The following HTR2A variants were observed in gnomAD, a reference collection of about 807,000 sequenced individuals.
HTR2A encodes the protein 5-hydroxytryptamine receptor 2A.
A neutral mutation model predicts 31.0 loss-of-function variants in HTR2A; 14 were observed. That is an observed-to-expected ratio of 0.45 (90% CI 0.30 to 0.71). The LOEUF (loss-of-function observed/expected upper bound fraction) is 0.71. Ranked by LOEUF, HTR2A falls within the 30% of genes least tolerant of loss-of-function variation. The pLI is 0.09. For synonymous variants in HTR2A, 209 were observed against 225.2 expected, an observed-to-expected ratio of 0.93 and a Z score of 0.64; for missense variants, 442 against 573.3, an observed-to-expected ratio of 0.77 and a Z score of 2.34.
chr13:46,868,468 C>G (rs1409474747), intron 3 of HTR2A, among the ~76,000 whole-genome samples: 1 of 152,224 alleles, frequency 6.6e-6, no homozygotes, highest in Non-Finnish European at 1.5e-5. Flanking sequence ...AACTCCAACT[C>G]AAGGAACTGT....
intron 3 of HTR2A, among the ~76,000 whole-genome samples, chr13:46,852,906 A>G (rs565681506): frequency 4.6e-5 from 7 of 152,164 alleles, no homozygotes; most frequent in Non-Finnish European, 1.0e-4. Context: ...AGTTATCTCA[A>G]TAATTTGAAC....
intron 3 of HTR2A, among the ~76,000 whole-genome samples, chr13:46,877,198 A>T (rs1258869202): frequency 6.6e-6 from 1 of 152,170 alleles, no homozygotes; most frequent in Non-Finnish European, 1.5e-5. Context: ...GAACAAAAAA[A>T]CTGCCCTGAG....
rs184250268 is a variant in HTR2A at position 46,888,355 on chromosome 13, G to A, written c.613+4035C>T. ...AATAGAGACAAAACATTCTGAAGCA[G>A]CAGGGCGTGGCACAAGGTGATGTTT... is the stretch of plus-strand genomic sequence containing the variant. On this transcript the variant is annotated intron_variant, in intron 3 of 3. Transcript: ENST00000542664. Among the ~76,000 whole-genome samples the A allele has an allele frequency of 3.1e-3, 468 of 152,180 alleles. 3 individuals carry two copies. The highest frequency in any genetic ancestry group is 0.011 in the African/African-American group (444 of 41,520).
chr13:46,884,822 G>A (rs1222379699), intron 3 of HTR2A, among the ~76,000 whole-genome samples: 2 of 115,954 alleles, frequency 1.7e-5, no homozygotes, highest in African/African-American at 1.1e-4. Context: ...GTGTGTGTAT[G>A]TATACATATA....
intron 3 of HTR2A, among the ~76,000 whole-genome samples, chr13:46,857,441 A>G (rs76161500): frequency 0.013 from 1,997 of 152,280 alleles, 54 homozygotes; most frequent in African/African-American, 0.045. Flanking sequence ...ACAGGATGGA[A>G]GGGCCAAGGC....
rs147076796 is a variant in HTR2A, at chr13:46,878,659, G to A, written c.613+13731C>T. ...AAAGGAGTCTGCAAAAGCCACAGAG[G>A]AAGAAGATCTAGGGAGTGGGAAGGA... On this transcript the variant is annotated intron_variant, in intron 3 of 3. Transcript: ENST00000542664. Among the ~76,000 whole-genome samples, 85 of 152,276 alleles carry A rather than the reference G, an allele frequency of 5.6e-4. 4 individuals are homozygous for A. In the East Asian group the frequency reaches 0.015, roughly 28 times the overall value.
chr13:46,876,950 C>T (rs890979573), intron 3 of HTR2A, among the ~76,000 whole-genome samples: 2 of 152,104 alleles, frequency 1.3e-5, no homozygotes, highest in Non-Finnish European at 1.5e-5. Flanking sequence ...GTTCCTATTA[C>T]ATTCATTTTA....
chr13:46,875,255 T>C (rs1296912172), intron 3 of HTR2A, among the ~76,000 whole-genome samples: 1 of 152,194 alleles, frequency 6.6e-6, no homozygotes, highest in East Asian at 1.9e-4. Context: ...TTAAAAACTT[T>C]CAAATGTGAA....
chr13:46,889,374 T>G (rs1027643667), intron 3 of HTR2A, among the ~76,000 whole-genome samples: 7 of 152,160 alleles, frequency 4.6e-5, no homozygotes, highest in Non-Finnish European at 7.4e-5. Context: ...CTTAAAATAC[T>G]ATTTAAAAAG....
At chr13:46,855,650 T>C (rs928510138) in intron 3 of HTR2A, among the ~76,000 whole-genome samples, 3 of 151,932 alleles carry the variant, frequency 2.0e-5, no homozygotes, top group African/African-American at 7.3e-5. Context: ...AGGCCTAAGG[T>C]GGGATGGCCA....
intron 3 of HTR2A, among the ~76,000 whole-genome samples, chr13:46,844,808 C>T (rs572632962): frequency 4.8e-4 from 73 of 152,298 alleles, no homozygotes; most frequent in Non-Finnish European, 9.1e-4. Context: ...TTCAAGCTTC[C>T]ATCTGTAAGG....
At chr13:46,840,868 A>G (rs1176343028) in intron 3 of HTR2A, among the ~76,000 whole-genome samples, 1 of 152,158 alleles carries the variant, frequency 6.6e-6, no homozygotes, top group Admixed American at 6.6e-5. Flanking sequence ...TAAGCACTAA[A>G]TTACACCAAT....
rs58145637 is a variant in HTR2A at position 46,834,767 on chromosome 13, A to ATT, written c.*68_*69dup. On this transcript the variant is annotated 3_prime_UTR_variant, in exon 4 of 4. Transcript: ENST00000542664. Reference sequence around the variant, plus strand: ...CTTGTCTAATTTTTTCCAATCTCATATTTTTTTTTTTCCAGATAGGTGAAA... The same window carrying ATT: ...CTTGTCTAATTTTTTCCAATCTCATATTTTTTTTTTTTTCCAGATAGGTGAAA... 4.9e-3 allele frequency: 5,184 copies of ATT among 1,059,924 alleles called. 1 individual carries two copies. The highest frequency in any genetic ancestry group is 6.3e-3 in the South Asian group (350 of 55,906). The allele number at this position is 1,059,924 out of a possible 1,614,324, so 65.7% of individuals were successfully genotyped here.
At chr13:46,881,357 G>A (rs1372281083) in intron 3 of HTR2A, among the ~76,000 whole-genome samples, 1 of 152,206 alleles carries the variant, frequency 6.6e-6, no homozygotes, top group African/African-American at 2.4e-5. Flanking sequence ...TCTAGAGACA[G>A]TAGCACTTTC....
chr13:46,880,327 G>A (rs962964194), intron 3 of HTR2A, among the ~76,000 whole-genome samples: 14 of 152,278 alleles, frequency 9.2e-5, no homozygotes, highest in Middle Eastern at 3.4e-3. Context: ...CTGATCTGGA[G>A]AGAGTGGAAG....
At chr13:46,864,524 C>G (rs1314752716) in intron 3 of HTR2A, among the ~76,000 whole-genome samples, 3 of 152,198 alleles carry the variant, frequency 2.0e-5, no homozygotes, top group Non-Finnish European at 4.4e-5. Context: ...AAGGAGCCAT[C>G]TCTCTGACGT....
intron 3 of HTR2A, among the ~76,000 whole-genome samples, chr13:46,878,539 C>T (rs1236389890): frequency 6.6e-6 from 1 of 151,798 alleles, no homozygotes; most frequent in Non-Finnish European, 1.5e-5. Context: ...ATAGCTGAAC[C>T]CACGAAAAGA....
rs573801326 is a variant in HTR2A at position 46,863,518 on chromosome 13, G to C, written c.614-27879C>G. Among the ~76,000 whole-genome samples the C allele has an allele frequency of 7.3e-5, 11 of 150,490 alleles. No homozygotes were observed. In the East Asian group the frequency reaches 1.6e-3, roughly 21 times the overall value. On this transcript the variant is annotated intron_variant, in intron 3 of 3. Coordinates refer to ENST00000542664, the MANE Select transcript of HTR2A (RefSeq NM_000621.5). Reference sequence around the variant, plus strand: ...TGTGCCTGTAGTCCCAGCTACTTAAGGGGCTGAGGCAGGAGGATTGCTTGA... The same window carrying C: ...TGTGCCTGTAGTCCCAGCTACTTAACGGGCTGAGGCAGGAGGATTGCTTGA...
At chr13:46,840,321 G>A (rs887124499) in intron 3 of HTR2A, among the ~76,000 whole-genome samples, 3 of 152,084 alleles carry the variant, frequency 2.0e-5, no homozygotes, top group African/African-American at 7.2e-5. Context: ...TCTAATCTAT[G>A]TATGGTGTGT....
Sources: allele counts gnomAD v4.1 joint callset (sites outside exome capture counted in the v4.1 genomes callset), GRCh38; gene constraint gnomAD v4.1.1; transcripts MANE v1.5; gene names NCBI Gene and HGNC (gene_info 2026-07-23, HGNC 2026-07-21).